Variants in NDST3 observed in about 807,000 individuals in gnomAD.
The protein encoded by NDST3 is bifunctional heparan sulfate N-deacetylase/N-sulfotransferase 3.
A neutral mutation model predicts 96.1 loss-of-function variants in NDST3; 58 were observed. The ratio of observed to expected loss-of-function variants is 0.60; its 90% CI spans 0.49 to 0.75. The LOEUF (loss-of-function observed/expected upper bound fraction) is 0.75. NDST3 is among the 30% of genes least tolerant of loss of function. NDST3 has a pLI of 0.00. For missense variants in NDST3, 788 were observed against 1,034.2 expected, an observed-to-expected ratio of 0.76 and a Z score of 3.27; for synonymous variants, 333 against 359.7, an observed-to-expected ratio of 0.93 and a Z score of 0.84.
intron 1 of NDST3, among the ~76,000 whole-genome samples, chr4:118,043,917 A>C (rs1206470769): frequency 6.6e-6 from 1 of 152,196 alleles, no homozygotes; most frequent in African/African-American, 2.4e-5. Flanking sequence ...CGTGCACTGG[A>C]ATTTTTTCTT....
chr4:118,152,713 T>C (rs1734480507), intron 6 of NDST3, among the ~76,000 whole-genome samples: 1 of 152,190 alleles, frequency 6.6e-6, no homozygotes, highest in Non-Finnish European at 1.5e-5. Flanking sequence ...TTTTCTGTAC[T>C]CCTGACTAAA....
At chr4:118,076,936 T>A (rs970956809) in intron 2 of NDST3, among the ~76,000 whole-genome samples, 8 of 152,174 alleles carry the variant, frequency 5.3e-5, no homozygotes, top group Non-Finnish European at 1.0e-4. Flanking sequence ...GATCATTTAG[T>A]CTTTGATGTT....
intron 7 of NDST3, among the ~76,000 whole-genome samples, chr4:118,225,986 G>GT (rs1034283773): frequency 4.0e-5 from 6 of 149,724 alleles, no homozygotes; most frequent in Non-Finnish European, 7.4e-5. Context: ...GTTTTAAACT[G>GT]TTTTTTTGTT....
intron 6 of NDST3, among the ~76,000 whole-genome samples, chr4:118,195,023 T>C (rs1159750061): frequency 1.3e-5 from 2 of 152,226 alleles, no homozygotes; most frequent in African/African-American, 4.8e-5. Flanking sequence ...TTTTTTATTA[T>C]TAATATTTCT....
intron 6 of NDST3, among the ~76,000 whole-genome samples, chr4:118,183,629 C>G (rs951093056): frequency 2.6e-5 from 4 of 152,172 alleles, no homozygotes; most frequent in Non-Finnish European, 5.9e-5. Flanking sequence ...TCAAATTCTC[C>G]ATTACACAAC....
chr4:118,062,275 A>C (rs1174796037), intron 2 of NDST3, among the ~76,000 whole-genome samples: 1 of 152,142 alleles, frequency 6.6e-6, no homozygotes, highest in Non-Finnish European at 1.5e-5. Context: ...AGTTTGGTTG[A>C]CTTCACAATG....
chr4:118,195,984 T>C (rs985663527), intron 6 of NDST3, among the ~76,000 whole-genome samples: 21 of 152,258 alleles, frequency 1.4e-4, no homozygotes, highest in Admixed American at 1.0e-3. Flanking sequence ...GCTATGGGTC[T>C]GTCACATATG....
chr4:118,152,920 T>C (rs1345300431), intron 6 of NDST3, among the ~76,000 whole-genome samples: 1 of 152,172 alleles, frequency 6.6e-6, no homozygotes, highest in Non-Finnish European at 1.5e-5. Context: ...TCAGCTCACC[T>C]TTCTGAGTCA....
intron 5 of NDST3, among the ~76,000 whole-genome samples, chr4:118,139,933 C>T (rs1380361517): frequency 6.6e-6 from 1 of 152,114 alleles, no homozygotes. Context: ...AGGTTCCATC[C>T]ACCACCTCAC....
intron 2 of NDST3, among the ~76,000 whole-genome samples, chr4:118,103,703 G>T (rs1729945815): frequency 6.6e-6 from 1 of 152,116 alleles, no homozygotes; most frequent in Non-Finnish European, 1.5e-5. Context: ...ATTGCTGTCA[G>T]TTCATTCTTT....
intron 6 of NDST3, among the ~76,000 whole-genome samples, chr4:118,178,264 GT>G (rs1736394366): frequency 6.6e-6 from 1 of 151,874 alleles, no homozygotes; most frequent in African/African-American, 2.4e-5. Flanking sequence ...TCACATTGTT[GT>G]GACACAGGTC....
At chr4:118,197,353 T>C (rs1361940364) in intron 6 of NDST3, among the ~76,000 whole-genome samples, 3 of 152,156 alleles carry the variant, frequency 2.0e-5, no homozygotes, top group Non-Finnish European at 2.9e-5. Context: ...ATCTATTAGA[T>C]GTTTCTTTGT....
At position 118,238,154 on chromosome 4, in the gene NDST3, GAAAAGAAAGAAAGAAAGAAAGAAA is replaced by G. The variant is rs1217400657; in HGVS notation, c.2118+935_2118+958del. On this transcript the variant is annotated intron_variant, in intron 10 of 13. Coordinates refer to ENST00000296499, the MANE Select transcript of NDST3 (RefSeq NM_004784.3). ...GAGAGAGAGAGAGAGAGAAAAGAAA[GAAAAGAAAGAAAGAAAGAAAGAAA>G]GAAAGAAAGAAAGAAAGAAAGAAAG... 6.1e-4 allele frequency among the ~76,000 whole-genome samples: 44 copies of G among 72,184 alleles called. No individual in the cohort carries two copies. The East Asian group carries it at 7.0e-3, about 12-fold the overall frequency. The allele number at this position is 72,184 out of a possible 152,430, so 47.4% of individuals were successfully genotyped here. A position where few individuals can be genotyped will look rare whatever the true frequency, so the allele number is the denominator to read the frequency against.
At chr4:118,048,238 T>G (rs185329348) in intron 1 of NDST3, among the ~76,000 whole-genome samples, 292 of 152,126 alleles carry the variant, frequency 1.9e-3, no homozygotes, top group Middle Eastern at 0.014. Context: ...GTGCTGAACA[T>G]GGAATTGAAA....
chr4:118,178,118 G>A (rs770980836), intron 6 of NDST3, among the ~76,000 whole-genome samples: 7 of 151,472 alleles, frequency 4.6e-5, no homozygotes, highest in Admixed American at 1.3e-4. Flanking sequence ...TTATATCTAC[G>A]ACATCCATAT....
intron 4 of NDST3, among the ~76,000 whole-genome samples, chr4:118,132,838 A>T (rs1461523575): frequency 6.6e-6 from 1 of 152,098 alleles, no homozygotes; most frequent in Non-Finnish European, 1.5e-5. Context: ...GTCCTAGAGT[A>T]TGTCAAGAAA....
At chr4:118,228,426 G>A (rs907697284) in intron 8 of NDST3, among the ~76,000 whole-genome samples, 1 of 151,996 alleles carries the variant, frequency 6.6e-6, no homozygotes, top group African/African-American at 2.4e-5. Flanking sequence ...TGGATATGCA[G>A]ACATTTTGAT....
At chr4:118,090,734 A>G (rs1276907359) in intron 2 of NDST3, among the ~76,000 whole-genome samples, 2 of 151,894 alleles carry the variant, frequency 1.3e-5, no homozygotes, top group African/African-American at 4.8e-5. Context: ...CTTCTTGGAT[A>G]TATATGTCAC....
chr4:118,106,677 G>A (rs976281176), intron 3 of NDST3, among the ~76,000 whole-genome samples: 54 of 152,112 alleles, frequency 3.6e-4, no homozygotes, highest in African/African-American at 1.2e-3. Flanking sequence ...TGTAGTCCCA[G>A]CTACTCAGGA....
Sources: allele counts gnomAD v4.1 joint callset (sites outside exome capture counted in the v4.1 genomes callset), GRCh38; gene constraint gnomAD v4.1.1; transcripts MANE v1.5; gene names NCBI Gene and HGNC (gene_info 2026-07-23, HGNC 2026-07-21).